The following SGCZ variants were observed in gnomAD, a reference collection of about 807,000 sequenced individuals.
The protein encoded by SGCZ is zeta-sarcoglycan.
Under a neutral mutation model 41.3 loss-of-function variants are expected in SGCZ, and 40 were observed. The observed-to-expected ratio is 0.97, with a 90% CI of 0.75 to 1.26. The LOEUF is 1.26. Among genes scored for constraint, SGCZ ranks in the 50% most tolerant of loss-of-function variants. The pLI, the probability that SGCZ is intolerant of heterozygous loss-of-function variation, is 0.00. For missense variants in SGCZ, 552 were observed against 369.8 expected (o/e 1.49, Z -4.04); for synonymous variants, 206 against 137.5 (o/e 1.50, Z -3.49).
intron 1 of SGCZ, among the ~76,000 whole-genome samples, chr8:14,601,202 T>G (rs1234342488): frequency 6.6e-6 from 1 of 151,670 alleles, no homozygotes. Context: ...ATTTCACTGC[T>G]AATTCTATTG....
At chr8:15,061,469 T>G (rs553271457) in intron 1 of SGCZ, among the ~76,000 whole-genome samples, 1 of 151,222 alleles carries the variant, frequency 6.6e-6, no homozygotes, top group East Asian at 2.0e-4. Context: ...CACCATGGCA[T>G]GTGTATACCT....
chr8:14,803,317 C>T (rs1801390828), intron 1 of SGCZ, among the ~76,000 whole-genome samples: 1 of 152,178 alleles, frequency 6.6e-6, no homozygotes, highest in African/African-American at 2.4e-5. Flanking sequence ...TCTGAGGTAC[C>T]GGATTCATCT....
At chr8:14,927,190 G>C (rs1264264799) in intron 1 of SGCZ, among the ~76,000 whole-genome samples, 3 of 138,726 alleles carry the variant, frequency 2.2e-5, no homozygotes, top group Admixed American at 1.6e-4. Context: ...CTCACTGCAA[G>C]CTCCGCCTCC....
At chr8:14,824,708 A>G (rs183560403) in intron 1 of SGCZ, among the ~76,000 whole-genome samples, 5 of 152,172 alleles carry the variant, frequency 3.3e-5, no homozygotes, top group African/African-American at 9.6e-5. Flanking sequence ...TAATTAAGAA[A>G]TTTCACTGCC....
chr8:14,695,442 G>T (rs1164134152), intron 1 of SGCZ, among the ~76,000 whole-genome samples: 1 of 152,072 alleles, frequency 6.6e-6, no homozygotes, highest in Non-Finnish European at 1.5e-5. Flanking sequence ...GTGTCCAAAA[G>T]TACCATGTAA....
intron 2 of SGCZ, among the ~76,000 whole-genome samples, chr8:14,352,399 C>G (rs1375132563): frequency 6.6e-6 from 1 of 151,754 alleles, no homozygotes; most frequent in African/African-American, 2.4e-5. Flanking sequence ...AAATACGGCA[C>G]AAAATGTGTA....
rs1799024674 is a variant in SGCZ at position 14,244,778 on chromosome 8, G to GT, written c.337-7100dup. On this transcript the variant is annotated intron_variant, in intron 3 of 7. Coordinates refer to ENST00000382080, the MANE Select transcript of SGCZ (RefSeq NM_139167.4). ...TCCTCTTTTATGTCATTGATCAGTG[G>GT]TTTGTAGTTCTCCTTGAAGAGGTCC... Among the ~76,000 whole-genome samples the GT allele has an allele frequency of 2.0e-5, 3 of 152,164 alleles. No homozygotes were observed. In the South Asian group the frequency reaches 6.2e-4, roughly 32 times the overall value.
chr8:15,078,656 G>C (rs1353698725), intron 1 of SGCZ, among the ~76,000 whole-genome samples: 1 of 151,748 alleles, frequency 6.6e-6, no homozygotes, highest in Non-Finnish European at 1.5e-5. Context: ...TTTGCTCTTA[G>C]CTCTATCATA....
At chr8:14,252,437 A>T (rs1001806299) in intron 3 of SGCZ, among the ~76,000 whole-genome samples, 2 of 152,136 alleles carry the variant, frequency 1.3e-5, no homozygotes, top group African/African-American at 4.8e-5. Context: ...TGTATCTGAA[A>T]ATTTCAATTA....
chr8:14,896,579 T>C (rs1805206386), intron 1 of SGCZ, among the ~76,000 whole-genome samples: 1 of 151,640 alleles, frequency 6.6e-6, no homozygotes, highest in African/African-American at 2.4e-5. Flanking sequence ...CAGGTTCCAG[T>C]GATTCTTCTG....
intron 1 of SGCZ, among the ~76,000 whole-genome samples, chr8:14,802,675 C>T (rs1462556086): frequency 6.6e-6 from 1 of 152,074 alleles, no homozygotes; most frequent in Non-Finnish European, 1.5e-5. Context: ...CTCCCCAAAA[C>T]TAAATATACA....
In SGCZ at chr8:14,844,665, A is replaced by G. The variant is rs188999763; in HGVS notation, c.40-289739T>C. ...ACATGAGCCTAAAGATGACTAATAC[A>G]GCTAACAAACATATTTTTAAAACCT... On this transcript the variant is annotated intron_variant, in intron 1 of 7. Coordinates refer to ENST00000382080, the MANE Select transcript of SGCZ (RefSeq NM_139167.4). Among the ~76,000 whole-genome samples, 1,223 of 152,286 alleles carry G rather than the reference A, an allele frequency of 8.0e-3. 19 individuals are homozygous for G. Among genetic ancestry groups the G allele is most frequent in the African/African-American group, 0.028 (1,164 of 41,574 alleles).
At chr8:14,133,385 C>A (rs962759049) in intron 5 of SGCZ, among the ~76,000 whole-genome samples, 3 of 152,168 alleles carry the variant, frequency 2.0e-5, no homozygotes, top group African/African-American at 7.2e-5. Flanking sequence ...CAATTCCATT[C>A]CATTTTCCAG....
intron 1 of SGCZ, among the ~76,000 whole-genome samples, chr8:14,610,014 C>T (rs1805875779): frequency 6.6e-6 from 1 of 152,120 alleles, no homozygotes; most frequent in Non-Finnish European, 1.5e-5. Context: ...AGGGAGATTT[C>T]AACTGCTACG....
chr8:14,382,717 T>C (rs1804414570), intron 2 of SGCZ, among the ~76,000 whole-genome samples: 1 of 152,224 alleles, frequency 6.6e-6, no homozygotes, highest in Admixed American at 6.5e-5. Flanking sequence ...CTAGTGTGAA[T>C]GGGCAAAGTA....
intron 1 of SGCZ, among the ~76,000 whole-genome samples, chr8:15,222,753 CAG>C (rs1801645196): frequency 1.3e-5 from 2 of 151,824 alleles, no homozygotes; most frequent in Admixed American, 6.6e-5. Flanking sequence ...AGCTTAAACA[CAG>C]AGTGTGTGTG....
intron 5 of SGCZ, among the ~76,000 whole-genome samples, chr8:14,145,524 C>T (rs1401100881): frequency 6.6e-6 from 1 of 152,144 alleles, no homozygotes; most frequent in African/African-American, 2.4e-5. Context: ...CTTCAATGCC[C>T]AGACACCAAA....
chr8:14,576,207 G>T (rs13274454), intron 1 of SGCZ, among the ~76,000 whole-genome samples: 36,890 of 152,018 alleles, frequency 0.24, 4,591 homozygotes, highest in Admixed American at 0.26. Context: ...AAGGTTTTGT[G>T]GTGTGCTGTC....
At chr8:14,776,273 T>A (rs1800398314) in intron 1 of SGCZ, among the ~76,000 whole-genome samples, 1 of 152,114 alleles carries the variant, frequency 6.6e-6, no homozygotes. Flanking sequence ...AAGTGAATCA[T>A]GGGGGTGGTT....
Sources: allele counts gnomAD v4.1 joint callset (sites outside exome capture counted in the v4.1 genomes callset), GRCh38; gene constraint gnomAD v4.1.1; transcripts MANE v1.5; gene names NCBI Gene and HGNC (gene_info 2026-07-23, HGNC 2026-07-21).